The following BUB1B variants were observed in gnomAD, a reference collection of about 807,000 sequenced individuals.
The protein encoded by BUB1B is mitotic checkpoint serine/threonine-protein kinase BUB1 beta.
In BUB1B, 86 loss-of-function variants were observed where a neutral mutation model predicts 137.7. The ratio of observed to expected loss-of-function variants is 0.62; its 90% confidence interval spans 0.52 to 0.75. The LOEUF (loss-of-function observed/expected upper bound fraction) is 0.75. Among genes scored for constraint, BUB1B ranks in the 30% least tolerant of loss-of-function variants. The pLI is 0.00. For missense variants in BUB1B, 1,130 were observed against 1,236.9 expected (o/e 0.91, Z 1.30); for synonymous variants, 420 against 417.9 (o/e 1.00, Z -0.06).
At position 40,217,611 on chromosome 15, in the gene BUB1B, A is replaced by G; in HGVS notation, c.2794A>G (p.Thr932Ala). 1.2e-6 allele frequency: 2 copies of G among 1,614,104 alleles called. No individual in the cohort carries two copies. Among genetic ancestry groups the G allele is most frequent in the Non-Finnish European group, 8.5e-7 (1 of 1,180,030 alleles). ...TGTTTTTACCCTCAGCGGCTTTCGG[A>G]CTGTACAGATCCTGGAAGGACAAAA... ...LDVFTLSGFRTVQILEGQKIL... is the reference protein window; with the variant it reads ...LDVFTLSGFRAVQILEGQKIL... The change falls in exon 21 of 23, where the codon ACT (threonine) becomes GCT (alanine). Residue 932 changes from threonine (T) to alanine (A), a missense_variant. Coordinates refer to ENST00000287598, the MANE Select transcript of BUB1B (RefSeq NM_001211.6).
intron 4 of BUB1B, among the ~76,000 whole-genome samples, chr15:40,176,009 C>T (rs953581891): frequency 5.3e-5 from 8 of 152,046 alleles, no homozygotes; most frequent in Non-Finnish European, 1.2e-4. Flanking sequence ...AATGCAGTGG[C>T]ACCATCATAG....
Position 40,200,938 on chromosome 15 carries a change from T to C in BUB1B, c.1525T>C (p.Ser509Pro). 6.2e-7 allele frequency: 1 copy of C among 1,613,336 alleles called. No individual in the cohort carries two copies. Among genetic ancestry groups the C allele is most frequent in the Non-Finnish European group, 8.5e-7 (1 of 1,179,528 alleles). The change falls in exon 12 of 23, where the codon TCA becomes CCA. Residue 509 changes from serine to proline, a missense_variant. Physicochemically the swap from Ser to Pro is moderately conservative, Grantham distance 74. Transcript: ENST00000287598. Reference protein sequence around the residue: ...CQVNCCARETSLAENIWQEQP... With the variant: ...CQVNCCARETPLAENIWQEQP... ...AAACAAGTTTCTTTACAGAGAAACT[T>C]CACTTGCGGAGAACATTTGGCAGGA... is the stretch of plus-strand genomic sequence containing the variant.
At position 40,212,710 on chromosome 15, in the gene BUB1B, C is replaced by T. The variant is rs537842791; in HGVS notation, c.2535+62C>T. ...GTAGAGAGATTTGTGCTCCATTTAGCAAAGGAATTTAGTACAAAATTCCTG... is the reference window on the plus strand; with the variant it reads ...GTAGAGAGATTTGTGCTCCATTTAGTAAAGGAATTTAGTACAAAATTCCTG... On this transcript the variant is annotated intron_variant, in intron 19 of 22. Transcript: ENST00000287598. The T allele has an allele frequency of 1.6e-5, 24 of 1,497,776 alleles. No homozygotes were observed. The East Asian group carries it at 1.8e-4, about 11-fold the overall frequency. 92.8% of individuals were successfully genotyped at this position (1,497,776 alleles called of 1,614,324 possible).
chr15:40,176,335 A>C, intron 4 of BUB1B, 142 bp from the exon 5 acceptor site: 1 of 807,706 alleles, frequency 1.2e-6, no homozygotes. Context: ...AGGTCCTCCC[A>C]GTATGGTCCT....
chr15:40,177,294 T>TG (rs2037234365), intron 5 of BUB1B, among the ~76,000 whole-genome samples: 1 of 152,220 alleles, frequency 6.6e-6, no homozygotes, highest in South Asian at 2.1e-4. Flanking sequence ...CTGAGAATTT[T>TG]TTGTCTAGCC....
chr15:40,171,689 A>C (rs2037164604), intron 4 of BUB1B, among the ~76,000 whole-genome samples: 1 of 152,170 alleles, frequency 6.6e-6, no homozygotes, highest in Non-Finnish European at 1.5e-5. Flanking sequence ...TCACTCCTTT[A>C]TGAAAGTCAT....
chr15:40,188,780 A>G (rs922486135), intron 8 of BUB1B, among the ~76,000 whole-genome samples: 3 of 151,690 alleles, frequency 2.0e-5, no homozygotes, highest in Non-Finnish European at 4.4e-5. Flanking sequence ...CCATGGTTTC[A>G]CCATATTGGC....
At chr15:40,209,818 A>T in intron 17 of BUB1B, 43 bp downstream of exon 17, 1 of 1,606,790 alleles carries the variant, frequency 6.2e-7, no homozygotes, top group Non-Finnish European at 8.5e-7. Flanking sequence ...ATGACAGTAT[A>T]CAAATAAGTG....
intron 5 of BUB1B, among the ~76,000 whole-genome samples, chr15:40,181,694 G>A (rs764059618): frequency 1.3e-5 from 2 of 151,990 alleles, no homozygotes; most frequent in Non-Finnish European, 2.9e-5. Context: ...TTATTGCTCT[G>A]TCTTCAGGTT....
At chr15:40,217,296 C>A in intron 20 of BUB1B, 200 bp from the exon 21 acceptor site, 1 of 604,846 alleles carries the variant, frequency 1.7e-6, no homozygotes, top group Admixed American at 2.9e-5. Flanking sequence ...CTTTGTGTCA[C>A]CAAAGTGGTG....
At chr15:40,162,720 G>A (rs58070179) in intron 1 of BUB1B, among the ~76,000 whole-genome samples, 1,864 of 152,290 alleles carry the variant, frequency 0.012, 44 homozygotes, top group African/African-American at 0.043. Context: ...GACTGTGGGA[G>A]GAGCAGGTCT....
chr15:40,202,348 G>T, intron 12 of BUB1B, 57 bp from the exon 13 acceptor site: 1 of 1,385,170 alleles, frequency 7.2e-7, no homozygotes, highest in African/African-American at 1.4e-5. Flanking sequence ...TTATCTGGTT[G>T]TCTTGAAGAG....
chr15:40,177,343 C>T (rs2140885943), intron 5 of BUB1B, among the ~76,000 whole-genome samples: 1 of 152,230 alleles, frequency 6.6e-6, no homozygotes, highest in African/African-American at 2.4e-5. Flanking sequence ...AAGTTTTCAT[C>T]TTCAAGTTTT....
At chr15:40,161,715 C>T (rs1380919636) in intron 1 of BUB1B, among the ~76,000 whole-genome samples, 2 of 152,118 alleles carry the variant, frequency 1.3e-5, no homozygotes, top group Non-Finnish European at 2.9e-5. Context: ...ATCTGAAAGC[C>T]TTTAGCCAAT....
chr15:40,209,584 G>A (rs1376302635), intron 16 of BUB1B, 51 bp from the exon 17 acceptor site: 2 of 1,609,858 alleles, frequency 1.2e-6, no homozygotes, highest in Admixed American at 3.3e-5. Flanking sequence ...TCCATTTTAA[G>A]CATTAGGGTT....
chr15:40,196,695 T>A lies in BUB1B; in HGVS notation c.1209T>A (p.Ile403=), dbSNP rs765503426. The A allele has an allele frequency of 5.0e-6, 8 of 1,614,014 alleles. No homozygotes were observed. Among genetic ancestry groups the A allele is most frequent in the Non-Finnish European group, 5.9e-6 (7 of 1,179,932 alleles). ...AGATGATGTATTGTAAGGAGAAGAT[T>A]TATGCAGGAGTAGGGGAATTCTCCT... ...KEKMMYCKEK[I]YAGVGEFSFE... Residue 403 remains isoleucine, a synonymous_variant, in exon 9 of 23, where the codon ATT becomes ATA. Transcript: ENST00000287598.
At chr15:40,188,898 CT>C (rs202216000) in intron 8 of BUB1B, among the ~76,000 whole-genome samples, 6 of 150,888 alleles carry the variant, frequency 4.0e-5, no homozygotes, top group South Asian at 2.1e-4. Context: ...GCTTTTTTTT[CT>C]TTTTTTTTCT....
At chr15:40,186,429 T>TC (rs2037362177) in intron 8 of BUB1B, among the ~76,000 whole-genome samples, 1 of 130,120 alleles carries the variant, frequency 7.7e-6, no homozygotes, top group Admixed American at 7.9e-5. Context: ...ATTGCCTAGT[T>TC]CTTTTTTTTT....
chr15:40,184,231 G>A (rs1412897323), intron 6 of BUB1B, among the ~76,000 whole-genome samples: 1 of 152,054 alleles, frequency 6.6e-6, no homozygotes, highest in Non-Finnish European at 1.5e-5. Context: ...TAAGAACCCT[G>A]CCTTCAGAGC....
Sources: allele counts gnomAD v4.1 joint callset (sites outside exome capture counted in the v4.1 genomes callset), GRCh38; gene constraint gnomAD v4.1.1; transcripts MANE v1.5; gene names NCBI Gene and HGNC (gene_info 2026-07-23, HGNC 2026-07-21).